The following LITAF variants were observed in gnomAD, a reference collection of about 807,000 sequenced individuals.
LITAF encodes lipopolysaccharide induced TNF factor.
In LITAF, 9 loss-of-function variants were observed where a neutral mutation model predicts 14.5. The observed-to-expected ratio is 0.62, with a 90% CI of 0.37 to 1.08. The LOEUF is 1.08. Among genes scored for constraint, LITAF ranks in the 50% least tolerant of loss-of-function variants. The pLI, the probability that LITAF is intolerant of heterozygous loss-of-function variation, is 0.01. For synonymous variants in LITAF, 98 were observed against 88.2 expected (o/e 1.11, Z -0.62); for missense variants, 206 against 213.4 (o/e 0.97, Z 0.22).
upstream of LITAF, among the ~76,000 whole-genome samples, chr16:11,638,113 T>TAGATAGATAG (rs1567271202): frequency 9.2e-5 from 6 of 64,968 alleles, 1 homozygote; most frequent in African/African-American, 8.0e-4. Flanking sequence ...TATATATCTA[T>TAGATAGATAG]CTATATAGAT....
intron 1 of LITAF, among the ~76,000 whole-genome samples, chr16:11,565,033 T>C (rs1355109518): frequency 6.7e-6 from 1 of 149,542 alleles, no homozygotes; most frequent in African/African-American, 2.5e-5. Context: ...AGATAGAGTC[T>C]TGCTCTGTCG....
Position 11,586,869 on chromosome 16 carries a change from C to CCCCGCGCCGCACTCACCGCCG in LITAF, c.-10_-6+16dup, listed in dbSNP as rs1273973677. ...CCCGCTGGTCCCCGCGCCCCGGCGTCCCCGCGCCGCACTCACCGCCGCCCG... is the reference window on the plus strand; with the variant it reads ...CCCGCTGGTCCCCGCGCCCCGGCGTCCCCGCGCCGCACTCACCGCCGCCCGCGCCGCACTCACCGCCGCCCG... On this transcript the variant is annotated intron_variant, in intron 1 of 3. Coordinates refer to ENST00000622633, the MANE Select transcript of LITAF (RefSeq NM_001136472.2). This position sits in a 1 kb window ranked among gnomAD's most constrained non-coding sequence, Gnocchi z 6.5. The CCCCGCGCCGCACTCACCGCCG allele has an allele frequency of 1.3e-5, 2 of 152,226 alleles. No individual in the cohort carries two copies. Among genetic ancestry groups the CCCCGCGCCGCACTCACCGCCG allele is most frequent in the Non-Finnish European group, 2.9e-5 (2 of 68,050 alleles). 9.4% of individuals were successfully genotyped at this position (152,226 alleles called of 1,614,324 possible). A position where few individuals can be genotyped will look rare whatever the true frequency, so the allele number is the denominator to read the frequency against.
intron 3 of LITAF, among the ~76,000 whole-genome samples, chr16:11,618,949 C>T (rs947273941): frequency 6.6e-6 from 1 of 150,930 alleles, no homozygotes; most frequent in African/African-American, 2.4e-5. Flanking sequence ...CGCCACTGCA[C>T]TCCAGCCTGG....
At chr16:11,576,552 A>AAAAAAAAAAAAAAAAAAAAAAG (rs1567248875) in intron 1 of LITAF, among the ~76,000 whole-genome samples, 1 of 77,524 alleles carries the variant, frequency 1.3e-5, no homozygotes, top group African/African-American at 4.7e-5. Flanking sequence ...AAAAAAAAAA[A>AAAAAAAAAAAAAAAAAAAAAAG]AAAGAGAGAG....
chr16:11,611,719 G>C (rs754426911), intron 3 of LITAF, among the ~76,000 whole-genome samples: 4 of 149,884 alleles, frequency 2.7e-5, no homozygotes, highest in African/African-American at 4.9e-5. Flanking sequence ...CTGGAGTGCA[G>C]TGGTGCGATC....
chr16:11,560,202 C>G lies in LITAF; in HGVS notation c.-5-3467G>C, dbSNP rs187033020. 5.3e-5 allele frequency among the ~76,000 whole-genome samples: 8 copies of G among 151,330 alleles called. No homozygotes were observed. The East Asian group carries it at 1.6e-3, about 30-fold the overall frequency. On this transcript the variant is annotated intron_variant, in intron 1 of 3. Transcript: ENST00000622633. ...ATCCCAGCTACTCAGGAGGCTGAGG[C>G]AGGATAATCACTTGAACACGGGAGG...
Position 11,556,202 on chromosome 16 carries a change from G to A in LITAF, c.220+309C>T, listed in dbSNP as rs748864960. 4.5e-4 allele frequency: 231 copies of A among 511,020 alleles called. 1 individual carries two copies. The highest frequency in any genetic ancestry group is 6.7e-4 in the Admixed American group (19 of 28,512). The allele number at this position is 511,020 out of a possible 1,614,324, so 31.7% of individuals were successfully genotyped here. ...TCTGCATCAGACCTCAGGAGGAAGT[G>A]TGCGGGCCCTTAAGACACAAACTCC... On this transcript the variant is annotated intron_variant, in intron 2 of 3. Transcript: ENST00000622633.
intron 1 of LITAF, among the ~76,000 whole-genome samples, chr16:11,595,759 A>G (rs941408432): frequency 2.6e-5 from 4 of 152,188 alleles, no homozygotes. Context: ...ACAAAAAAAC[A>G]GGTAAAACTA....
In LITAF at chr16:11,549,411, A is replaced by C; in HGVS notation, c.*226T>G. On this transcript the variant is annotated 3_prime_UTR_variant, in exon 4 of 4. Coordinates refer to ENST00000622633, the MANE Select transcript of LITAF (RefSeq NM_001136472.2). The surrounding 1 kb of genome is among the most constrained non-coding windows in gnomAD (Gnocchi z 4.6). ...GGAGGCAGGAAACCGTGGAACTGAC[A>C]CTCAAGGGGAATGTCTTTGCAAGTC... The C allele has an allele frequency of 1.7e-6, 1 of 588,990 alleles. No individual in the cohort carries two copies. Among genetic ancestry groups the C allele is most frequent in the Non-Finnish European group, 3.2e-6 (1 of 312,538 alleles). The allele number at this position is 588,990 out of a possible 1,614,324, so 36.5% of individuals were successfully genotyped here.
At chr16:11,608,690 C>CAGTG (rs758993346) in intron 3 of LITAF, among the ~76,000 whole-genome samples, 5 of 152,214 alleles carry the variant, frequency 3.3e-5, no homozygotes, top group Non-Finnish European at 7.3e-5. Context: ...GGGCCAGGCG[C>CAGTG]AGTGGCTCAT....
intron 1 of LITAF, among the ~76,000 whole-genome samples, chr16:11,581,749 T>C (rs1009500585): frequency 1.3e-5 from 2 of 152,110 alleles, no homozygotes; most frequent in African/African-American, 4.8e-5. Flanking sequence ...AAAAGATACC[T>C]AGAATTTCAG....
chr16:11,598,509 A>G (rs1233200827), upstream of LITAF: 1 of 152,126 alleles, frequency 6.6e-6, no homozygotes, highest in Non-Finnish European at 1.5e-5. Context: ...CTGAGGCCAG[A>G]AGGGGAAGCG....
intron 1 of LITAF, among the ~76,000 whole-genome samples, chr16:11,592,392 A>G (rs1248361703): frequency 1.3e-5 from 2 of 152,006 alleles, no homozygotes; most frequent in South Asian, 2.1e-4. Context: ...CCTAACCAAC[A>G]TGGTGAAACC....
chr16:11,561,197 C>G (rs1278872439), intron 1 of LITAF: 1 of 152,220 alleles, frequency 6.6e-6, no homozygotes, highest in Non-Finnish European at 1.5e-5. Flanking sequence ...CATGGTTGGT[C>G]GTGATTGCCA....
At chr16:11,585,116 T>C (rs2064787813) in intron 1 of LITAF, among the ~76,000 whole-genome samples, 1 of 150,744 alleles carries the variant, frequency 6.6e-6, no homozygotes, top group African/African-American at 2.5e-5. Flanking sequence ...GTTGAGACAC[T>C]AGAATTGCTT....
chr16:11,581,190 G>A (rs547007665), intron 1 of LITAF, among the ~76,000 whole-genome samples: 7 of 152,298 alleles, frequency 4.6e-5, no homozygotes, highest in African/African-American at 1.7e-4. Context: ...ATTTTCATCC[G>A]TTAATCTATC....
chr16:11,562,359 A>C (rs2064383925), intron 1 of LITAF, among the ~76,000 whole-genome samples: 1 of 151,570 alleles, frequency 6.6e-6, no homozygotes, highest in Non-Finnish European at 1.5e-5. Flanking sequence ...AAGAAATTCG[A>C]ACACTTTTTG....
chr16:11,614,037 A>G (rs1481335927), intron 3 of LITAF, among the ~76,000 whole-genome samples: 1 of 152,170 alleles, frequency 6.6e-6, no homozygotes, highest in Non-Finnish European at 1.5e-5. Context: ...TCAACAGTGG[A>G]GCCGTTGTGC....
At chr16:11,556,833 T>C in intron 1 of LITAF, 98 bp from the exon 2 acceptor site, 1 of 1,062,544 alleles carries the variant, frequency 9.4e-7, no homozygotes, top group South Asian at 1.3e-5. Context: ...AAACAGAAAT[T>C]CTGAGAAAAT....
Sources: allele counts gnomAD v4.1 joint callset (sites outside exome capture counted in the v4.1 genomes callset), GRCh38; gene constraint gnomAD v4.1.1; non-coding constraint Gnocchi (gnomAD v3.1); transcripts MANE v1.5; gene names NCBI Gene and HGNC (gene_info 2026-07-23, HGNC 2026-07-21).